Variants in FRAS1 observed in about 807,000 individuals in gnomAD.
FRAS1 encodes the protein extracellular matrix organizing protein FRAS1.
In FRAS1, 290 loss-of-function variants were observed where a neutral mutation model predicts 435.2. That is an observed-to-expected ratio of 0.67 (90% CI 0.61 to 0.73). The LOEUF is 0.73. Among genes scored for constraint, FRAS1 ranks in the 30% least tolerant of loss-of-function variants. The probability of loss-of-function intolerance (pLI) is 0.00; values close to 1 mark genes in which losing one functional copy is unlikely to be tolerated. For missense variants in FRAS1, 4,860 were observed against 5,001.5 expected, an observed-to-expected ratio of 0.97 and a Z score of 0.85; for synonymous variants, 1,800 against 1,851.0, an observed-to-expected ratio of 0.97 and a Z score of 0.71.
chr4:78,124,628 A>T (rs1267222444), intron 2 of FRAS1, among the ~76,000 whole-genome samples: 1 of 152,160 alleles, frequency 6.6e-6, no homozygotes, highest in Non-Finnish European at 1.5e-5. Flanking sequence ...TTGGTAGGCT[A>T]TTAATTATTG....
intron 65 of FRAS1, among the ~76,000 whole-genome samples, chr4:78,514,045 G>T (rs548271654): frequency 2.1e-4 from 32 of 152,322 alleles, no homozygotes; most frequent in African/African-American, 7.5e-4. Context: ...GTTTATTAGG[G>T]ATCAATATCT....
intron 47 of FRAS1, among the ~76,000 whole-genome samples, chr4:78,461,189 T>C (rs184504304): frequency 6.6e-6 from 1 of 152,228 alleles, no homozygotes; most frequent in Non-Finnish European, 1.5e-5. Flanking sequence ...TGTGTTGTTT[T>C]TTCAGTGGTA....
At chr4:78,071,074 G>T (rs937564998) in intron 2 of FRAS1, 2 of 152,180 alleles carry the variant, frequency 1.3e-5, no homozygotes, top group African/African-American at 4.8e-5. Context: ...CTTTTGCTGA[G>T]AAATGCTGAC....
At chr4:78,377,788 G>A (rs552876794) in intron 26 of FRAS1, among the ~76,000 whole-genome samples, 3 of 152,202 alleles carry the variant, frequency 2.0e-5, no homozygotes, top group South Asian at 2.1e-4. Flanking sequence ...CCAGCAGCCC[G>A]CTAGGATTAC....
intron 4 of FRAS1, among the ~76,000 whole-genome samples, chr4:78,247,664 T>G (rs190904070): frequency 5.3e-5 from 8 of 152,280 alleles, no homozygotes; most frequent in African/African-American, 1.7e-4. Context: ...TGTTTGTTTA[T>G]TTTTGACTCT....
At chr4:78,529,337 T>G (rs974270346) in intron 70 of FRAS1, among the ~76,000 whole-genome samples, 1 of 152,078 alleles carries the variant, frequency 6.6e-6, no homozygotes, top group Non-Finnish European at 1.5e-5. Flanking sequence ...GTTTAAAAAT[T>G]ATGTAATATT....
intron 2 of FRAS1, among the ~76,000 whole-genome samples, chr4:78,227,815 T>A (rs1045916184): frequency 6.6e-6 from 1 of 152,208 alleles, no homozygotes; most frequent in African/African-American, 2.4e-5. Flanking sequence ...CAGCAAGGAT[T>A]TTCAAGGGCA....
At chr4:78,472,035 A>G in intron 51 of FRAS1, 145 bp from the exon 52 acceptor site, 1 of 808,020 alleles carries the variant, frequency 1.2e-6, no homozygotes, top group Non-Finnish European at 2.0e-6. Context: ...TTTCATCCTC[A>G]TAGCCTCTCC....
In FRAS1 at chr4:78,507,629, G is replaced by A. The variant is rs1720884648; in HGVS notation, c.9504+21G>A. The A allele has an allele frequency of 2.5e-6, 4 of 1,569,608 alleles. No homozygotes were observed. The African/African-American group carries it at 5.6e-5, about 22-fold the overall frequency. On this transcript the variant is annotated intron_variant, in intron 62 of 73. Coordinates refer to ENST00000512123, the MANE Select transcript of FRAS1 (RefSeq NM_025074.7). ...CCATTGTGAGTTGCTTGACCCAAAG[G>A]ATTGCTGTTTTACGTCTCAGTGACT... is the stretch of plus-strand genomic sequence containing the variant.
intron 61 of FRAS1, among the ~76,000 whole-genome samples, chr4:78,506,254 C>T (rs1720837248): frequency 6.6e-6 from 1 of 152,198 alleles, no homozygotes; most frequent in African/African-American, 2.4e-5. Context: ...GCTCAAATGC[C>T]ATGCTGGGAG....
At chr4:78,315,510 A>T (rs1276656243) in intron 15 of FRAS1, 84 bp from the exon 16 acceptor site, 4 of 1,355,840 alleles carry the variant, frequency 3.0e-6, no homozygotes, top group Non-Finnish European at 4.0e-6. Flanking sequence ...ATTGATACCC[A>T]TTGTGGATAT....
intron 2 of FRAS1, among the ~76,000 whole-genome samples, chr4:78,135,382 T>C (rs1445272896): frequency 3.9e-5 from 6 of 152,338 alleles, no homozygotes; most frequent in African/African-American, 1.4e-4. Flanking sequence ...TACTGGCCTG[T>C]GTTTCTGCAG....
intron 2 of FRAS1, chr4:78,068,496 G>T (rs749734757): frequency 4.4e-6 from 2 of 455,958 alleles, no homozygotes; most frequent in Non-Finnish European, 8.8e-6. Flanking sequence ...AGGTCAGGGA[G>T]GATGGCAGGG....
At chr4:78,315,796 G>A (rs73827968) in intron 16 of FRAS1, 62 bp downstream of exon 16, 4 of 1,569,524 alleles carry the variant, frequency 2.5e-6, no homozygotes, top group East Asian at 2.3e-5. Context: ...GACTATACTT[G>A]GTGTTATATG....
chr4:78,229,258 G>A (rs1724409913), intron 2 of FRAS1, among the ~76,000 whole-genome samples: 1 of 151,478 alleles, frequency 6.6e-6, no homozygotes, highest in Admixed American at 6.6e-5. Context: ...AAATAAAAAG[G>A]TGAAAATGCC....
intron 2 of FRAS1, among the ~76,000 whole-genome samples, chr4:78,144,239 A>G (rs1720320020): frequency 6.6e-6 from 1 of 152,050 alleles, no homozygotes; most frequent in Non-Finnish European, 1.5e-5. Context: ...ATAATATAGG[A>G]ATATATATTG....
chr4:78,302,648 GTCT>G (rs1323650880), intron 14 of FRAS1, among the ~76,000 whole-genome samples: 5 of 152,012 alleles, frequency 3.3e-5, no homozygotes, highest in African/African-American at 1.2e-4. Flanking sequence ...CTGCATAAAT[GTCT>G]TCTTTTGAGA....
chr4:78,346,544 C>T (rs1349687701), intron 20 of FRAS1, among the ~76,000 whole-genome samples: 1 of 152,086 alleles, frequency 6.6e-6, no homozygotes, highest in Non-Finnish European at 1.5e-5. Context: ...TTCCATAAGA[C>T]CCTCTCTTGC....
chr4:78,180,057 C>T (rs187805874), intron 2 of FRAS1, among the ~76,000 whole-genome samples: 154 of 152,322 alleles, frequency 1.0e-3, no homozygotes, highest in African/African-American at 3.3e-3. Context: ...CCTACTCCTA[C>T]GAGGTTCCTA....
Sources: allele counts gnomAD v4.1 joint callset (sites outside exome capture counted in the v4.1 genomes callset), GRCh38; gene constraint gnomAD v4.1.1; transcripts MANE v1.5; gene names NCBI Gene and HGNC (gene_info 2026-07-23, HGNC 2026-07-21).